The following LMOD3 variants were observed in gnomAD, a reference collection of about 807,000 sequenced individuals.
LMOD3 encodes leiomodin 3.
In LMOD3, 31 loss-of-function variants were observed where a neutral mutation model predicts 41.8. The observed-to-expected ratio is 0.74, with a 90% CI of 0.56 to 1.00. LMOD3 has a LOEUF of 1.00. Among genes scored for constraint, LMOD3 ranks in the 50% least tolerant of loss-of-function variants. The probability of loss-of-function intolerance (pLI) is 0.00; values close to 1 mark genes in which losing one functional copy is unlikely to be tolerated. For missense variants in LMOD3, 755 were observed against 679.5 expected (o/e 1.11, Z -1.23); for synonymous variants, 292 against 241.9 (o/e 1.21, Z -1.92).
At chr3:69,109,811 G>A (rs2092339781) in intron 2 of LMOD3, among the ~76,000 whole-genome samples, 1 of 152,018 alleles carries the variant, frequency 6.6e-6, no homozygotes, top group Admixed American at 6.6e-5. Context: ...TTACAGGCAT[G>A]AGCACCCGGC....
chr3:69,121,618 T>A (rs926070008), intron 1 of LMOD3, among the ~76,000 whole-genome samples: 2 of 152,204 alleles, frequency 1.3e-5, no homozygotes, highest in African/African-American at 4.8e-5. Context: ...TCGACTTGGT[T>A]TAATTGCAGG....
At chr3:69,117,833 G>GTTTTTTTTTTTTTTTTTTTTT (rs374336943) in intron 2 of LMOD3, among the ~76,000 whole-genome samples, 3 of 132,160 alleles carry the variant, frequency 2.3e-5, no homozygotes, top group African/African-American at 8.4e-5. Context: ...AATTTGGGTG[G>GTTTTTTTTTTTTTTTTTTTTT]TTTTTTTTTT....
chr3:69,117,455 G>T (rs57159802), intron 2 of LMOD3, among the ~76,000 whole-genome samples: 1 of 152,052 alleles, frequency 6.6e-6, no homozygotes, highest in African/African-American at 2.4e-5. Flanking sequence ...ACATAATCTC[G>T]TGGCTATATT....
In LMOD3 at chr3:69,122,433, A is replaced by G; in HGVS notation, c.-47T>C. ...TACTAGAAAAGAAGAATAATCAAAG[A>G]TGATTTTTAAAAAGAAGGAAAAAAG... On this transcript the variant is annotated 5_prime_UTR_variant, in exon 1 of 3. Transcript: ENST00000420581. The G allele has an allele frequency of 7.3e-7, 1 of 1,372,282 alleles. No individual in the cohort carries two copies. Among genetic ancestry groups the G allele is most frequent in the Non-Finnish European group, 9.8e-7 (1 of 1,017,450 alleles). 85.0% of individuals were successfully genotyped at this position (1,372,282 alleles called of 1,614,324 possible).
chr3:69,118,655 C>T lies in LMOD3; in HGVS notation c.1656+44G>A, dbSNP rs1414264380. The stretch of plus-strand genomic sequence containing the variant: ...AGGGAATAAAGTTGGGATGCATTTA[C>T]TATGGAGGGTGCTCAGTCACCATTT... On this transcript the variant is annotated intron_variant, in intron 2 of 2. Coordinates refer to ENST00000420581, the MANE Select transcript of LMOD3 (RefSeq NM_198271.5). The T allele has an allele frequency of 1.9e-6, 3 of 1,566,420 alleles. No individual in the cohort carries two copies. In the African/African-American group the frequency reaches 4.1e-5, roughly 21 times the overall value.
chr3:69,117,820 C>G (rs999244466), intron 2 of LMOD3, among the ~76,000 whole-genome samples: 1 of 150,462 alleles, frequency 6.6e-6, no homozygotes, highest in Admixed American at 6.6e-5. Flanking sequence ...AAACAACTGG[C>G]CCAATTTGGG....
At chr3:69,111,428 T>C (rs1559658361) in intron 2 of LMOD3, among the ~76,000 whole-genome samples, 1 of 152,240 alleles carries the variant, frequency 6.6e-6, no homozygotes, top group Non-Finnish European at 1.5e-5. Flanking sequence ...GAGCCAGGTA[T>C]TTAAAATAAC....
In LMOD3 at chr3:69,122,459, C is replaced by G; in HGVS notation, c.-73G>C. 8.4e-7 allele frequency: 1 copy of G among 1,190,706 alleles called. No individual in the cohort carries two copies. Among genetic ancestry groups the G allele is most frequent in the East Asian group, 2.6e-5 (1 of 39,084 alleles). 73.8% of individuals were successfully genotyped at this position (1,190,706 alleles called of 1,614,324 possible). On this transcript the variant is annotated 5_prime_UTR_variant, in exon 1 of 3. Coordinates refer to ENST00000420581, the MANE Select transcript of LMOD3 (RefSeq NM_198271.5). The stretch of plus-strand genomic sequence containing the variant: ...TGATTTTTAAAAAGAAGGAAAAAAG[C>G]CTCAAGAAGGTCCCCCAGTTAACGA...
In LMOD3 at chr3:69,118,855, C is replaced by T. The variant is rs764693298; in HGVS notation, c.1500G>A (p.Pro500=). Residue 500 remains proline (P), a synonymous_variant, in exon 2 of 3, where the codon CCG becomes CCA. Transcript: ENST00000420581. ...TTTTCTCGGGTGGTTCTCTGGCTTC[C>T]GGCATCCGAGATTTGCGCTGGATTC... ...LKRIQRKSRM[P]EAREPPEKTN... 11 of 1,608,022 alleles carry T rather than the reference C, an allele frequency of 6.8e-6. No homozygotes were observed. Among genetic ancestry groups the T allele is most frequent in the South Asian group, 4.4e-5 (4 of 90,524 alleles).
Position 69,118,799 on chromosome 3 carries a change from T to C in LMOD3, c.1556A>G (p.Lys519Arg), listed in dbSNP as rs370869958. ...GGGTGGCCTGTTTCTCGGCACTGGC[T>C]TGAGCGTTTTGATGACATCTTTGAG... The part of the protein sequence containing the change: ...TNLKDVIKTL[K>R]PVPRNRPPPL... The change falls in exon 2 of 3, where the codon AAG (lysine) becomes AGG (arginine). Residue 519 changes from lysine (K) to arginine (R), a missense_variant. Physicochemically the swap from Lys to Arg is conservative, Grantham distance 26. Coordinates refer to ENST00000420581, the MANE Select transcript of LMOD3 (RefSeq NM_198271.5). The C allele has an allele frequency of 6.8e-6, 11 of 1,611,468 alleles. No homozygotes were observed. The African/African-American group carries it at 9.4e-5, about 14-fold the overall frequency.
At chr3:69,114,743 G>GT (rs2092363616) in intron 2 of LMOD3, among the ~76,000 whole-genome samples, 2 of 152,304 alleles carry the variant, frequency 1.3e-5, no homozygotes, top group Middle Eastern at 3.4e-3. Context: ...CTGGCCTCAA[G>GT]TGATCGACCT....
intron 2 of LMOD3, among the ~76,000 whole-genome samples, chr3:69,117,836 T>G (rs1032657895): frequency 1.3e-5 from 2 of 149,628 alleles, no homozygotes; most frequent in Non-Finnish European, 3.0e-5. Flanking sequence ...TTGGGTGGTT[T>G]TTTTTTTTTT....
chr3:69,119,339 G>T lies in LMOD3; in HGVS notation c.1016C>A (p.Thr339Lys). The change falls in exon 2 of 3, where the codon ACG (threonine) becomes AAG (lysine). Residue 339 changes from threonine (T) to lysine (K), a missense_variant. Transcript: ENST00000420581. ...ATTGTGAAACCGAAGCTCAGTTAGCGTCTCATTAAACTGGAGACACCTCAT... is the reference window on the plus strand; with the variant it reads ...ATTGTGAAACCGAAGCTCAGTTAGCTTCTCATTAAACTGGAGACACCTCAT... ...AIMRCLQFNE[T>K]LTELRFHNQR... is the part of the protein sequence containing the mutation. 8 of 1,613,906 alleles carry T rather than the reference G, an allele frequency of 5.0e-6. No individual in the cohort carries two copies. Among genetic ancestry groups the T allele is most frequent in the Non-Finnish European group, 6.8e-6 (8 of 1,179,876 alleles).
rs920073685 is a variant in LMOD3, at chr3:69,106,195, T to G, written c.*2900A>C. On this transcript the variant is annotated 3_prime_UTR_variant, in exon 3 of 3. Transcript: ENST00000420581. Reference sequence around the variant, plus strand: ...TGTTTAGTAAAGCTTGAATACTTTATTAACTTGCAGCCAGAATAAAACAAT... The same window carrying G: ...TGTTTAGTAAAGCTTGAATACTTTAGTAACTTGCAGCCAGAATAAAACAAT... 6.6e-6 allele frequency: 1 copy of G among 152,390 alleles called. No homozygotes were observed. The highest frequency in any genetic ancestry group is 2.4e-5 in the African/African-American group (1 of 41,454). 9.4% of individuals were successfully genotyped at this position (152,390 alleles called of 1,614,324 possible).
intron 2 of LMOD3, 86 bp downstream of exon 2, chr3:69,118,613 C>G (rs1575878422): frequency 6.9e-7 from 1 of 1,442,058 alleles, no homozygotes; most frequent in South Asian, 1.4e-5. Flanking sequence ...TGAGTATCCC[C>G]TTATGTTAAA....
chr3:69,115,874 TG>T (rs2092370135), intron 2 of LMOD3, among the ~76,000 whole-genome samples: 1 of 152,216 alleles, frequency 6.6e-6, no homozygotes, highest in Non-Finnish European at 1.5e-5. Flanking sequence ...TTACAATAGT[TG>T]GCTGGAGACC....
Position 69,108,841 on chromosome 3 carries a change from A to G in LMOD3, c.*254T>C. 1 of 371,984 alleles carries G rather than the reference A, an allele frequency of 2.7e-6. No homozygotes were observed. The highest frequency in any genetic ancestry group is 4.8e-6 in the Non-Finnish European group (1 of 209,764). The allele number at this position is 371,984 out of a possible 1,614,324, so 23.0% of individuals were successfully genotyped here. A position where few individuals can be genotyped will look rare whatever the true frequency, so the allele number is the denominator to read the frequency against. ...GAAATATGACTCTAAATTTCACCTG[A>G]GTCACTCAAATTGATTGCAAGTAGA... On this transcript the variant is annotated 3_prime_UTR_variant, in exon 3 of 3. Coordinates refer to ENST00000420581, the MANE Select transcript of LMOD3 (RefSeq NM_198271.5).
At chr3:69,116,709 C>A (rs1287255635) in intron 2 of LMOD3, among the ~76,000 whole-genome samples, 1 of 152,106 alleles carries the variant, frequency 6.6e-6, no homozygotes, top group Non-Finnish European at 1.5e-5. Context: ...TGTGTGCGGT[C>A]GAGACTGAAC....
chr3:69,111,726 C>A (rs992009169), intron 2 of LMOD3, among the ~76,000 whole-genome samples: 1 of 152,130 alleles, frequency 6.6e-6, no homozygotes, highest in African/African-American at 2.4e-5. Flanking sequence ...CAGGTGTGAG[C>A]CACCATGCCC....
Sources: gnomAD v4.1 joint callset for allele counts (sites outside exome capture counted in the v4.1 genomes callset) on GRCh38, gnomAD v4.1.1 for gene constraint, MANE v1.5 for transcripts, NCBI Gene and HGNC (gene_info 2026-07-23, HGNC 2026-07-21) for gene names.